The following VTI1A variants were observed in gnomAD, a reference collection of about 807,000 sequenced individuals.
The protein encoded by VTI1A is vesicle transport through interaction with t-SNAREs 1A, also known as vesicle transport through interaction with t-SNAREs homolog 1A.
A neutral mutation model predicts 34.9 loss-of-function variants in VTI1A; 22 were observed. The observed-to-expected ratio is 0.63, with a 90% CI of 0.45 to 0.90. The LOEUF (loss-of-function observed/expected upper bound fraction) is 0.90, where lower values mean the gene tolerates loss of function less well. VTI1A is among the 40% of genes least tolerant of loss of function. The probability of loss-of-function intolerance (pLI) is 0.00; values close to 1 mark genes in which losing one functional copy is unlikely to be tolerated. For synonymous variants in VTI1A, 87 were observed against 97.3 expected (o/e 0.89, Z 0.62); for missense variants, 268 against 275.6 (o/e 0.97, Z 0.20).
chr10:112,617,290 T>C lies in VTI1A; in HGVS notation c.428-50928T>C, dbSNP rs777364920. Among the ~76,000 whole-genome samples the C allele has an allele frequency of 1.1e-4, 16 of 152,184 alleles. 1 individual carries two copies. The highest frequency in any genetic ancestry group is 2.0e-4 in the Admixed American group (3 of 15,288). ...CTAGAATTGTCTTCTCAACATTGTG[T>C]CTTTCAATAACAAGAGCAAGACAAC... On this transcript the variant is annotated intron_variant, in intron 5 of 7. Coordinates refer to ENST00000393077, the MANE Select transcript of VTI1A (RefSeq NM_145206.4).
intron 5 of VTI1A, among the ~76,000 whole-genome samples, chr10:112,639,021 A>G (rs1232999635): frequency 1.3e-5 from 2 of 152,168 alleles, no homozygotes; most frequent in African/African-American, 2.4e-5. Context: ...AAAACACTCA[A>G]TTTATCAAAG....
At chr10:112,760,099 G>A (rs1321241635) in intron 7 of VTI1A, among the ~76,000 whole-genome samples, 3 of 152,146 alleles carry the variant, frequency 2.0e-5, no homozygotes, top group Admixed American at 1.3e-4. Context: ...GAGTCCACAC[G>A]AAGAACTAGA....
chr10:112,838,754 G>A, the VTI1A span, among the ~76,000 whole-genome samples: 1 of 152,238 alleles, frequency 6.6e-6, no homozygotes, highest in African/African-American at 2.4e-5. Context: ...CCAGGCATCT[G>A]GCGCCACGGA....
intron 3 of VTI1A, among the ~76,000 whole-genome samples, chr10:112,475,364 A>G (rs74914974): frequency 6.6e-6 from 1 of 152,246 alleles, no homozygotes; most frequent in Non-Finnish European, 1.5e-5. Flanking sequence ...AGTCATGTGC[A>G]TGTAAATTCT....
At chr10:112,556,469 G>A (rs896224180) in intron 5 of VTI1A, among the ~76,000 whole-genome samples, 8 of 151,926 alleles carry the variant, frequency 5.3e-5, no homozygotes, top group African/African-American at 1.9e-4. Context: ...TTTAAAAGAG[G>A]CAGAGTGATT....
intron 5 of VTI1A, among the ~76,000 whole-genome samples, chr10:112,617,796 A>G (rs1589979085): frequency 6.6e-6 from 1 of 152,214 alleles, no homozygotes; most frequent in Non-Finnish European, 1.5e-5. Flanking sequence ...CAAAAAAAGG[A>G]AACAAATTAA....
intron 1 of VTI1A, among the ~76,000 whole-genome samples, chr10:112,448,137 G>A (rs1428182912): frequency 6.6e-6 from 1 of 152,084 alleles, no homozygotes; most frequent in Non-Finnish European, 1.5e-5. Flanking sequence ...TTCTCTCATG[G>A]GGTTGTTAGG....
intron 5 of VTI1A, among the ~76,000 whole-genome samples, chr10:112,600,781 G>T (rs1227390962): frequency 6.6e-6 from 1 of 152,194 alleles, no homozygotes; most frequent in Non-Finnish European, 1.5e-5. Flanking sequence ...ACGAATGAAT[G>T]AATTTTTACA....
At chr10:112,738,186 G>A (rs189072197) in intron 7 of VTI1A, among the ~76,000 whole-genome samples, 172 of 152,308 alleles carry the variant, frequency 1.1e-3, no homozygotes, top group African/African-American at 3.8e-3. Flanking sequence ...TGGGCCATAT[G>A]TAAAGTGGCA....
chr10:112,693,120 CA>C (rs1156660171), intron 7 of VTI1A, among the ~76,000 whole-genome samples: 5 of 152,220 alleles, frequency 3.3e-5, no homozygotes, highest in African/African-American at 1.2e-4. Flanking sequence ...AAGTACCAAA[CA>C]TGTGTAAGTG....
intron 5 of VTI1A, among the ~76,000 whole-genome samples, chr10:112,548,335 G>T (rs1851214543): frequency 6.6e-6 from 1 of 151,020 alleles, no homozygotes; most frequent in Non-Finnish European, 1.5e-5. Context: ...TTTTTTAATG[G>T]GTCTCAAAAT....
chr10:112,819,562 T>C (rs541600519), downstream of VTI1A, among the ~76,000 whole-genome samples: 247 of 152,272 alleles, frequency 1.6e-3, 1 homozygote, highest in Non-Finnish European at 1.9e-3. Context: ...CTTGGGCATC[T>C]CCGTGCCGTC....
chr10:112,794,925 G>A (rs111845900), intron 7 of VTI1A, among the ~76,000 whole-genome samples: 4 of 152,070 alleles, frequency 2.6e-5, no homozygotes, highest in African/African-American at 4.8e-5. Context: ...TCAACTCACC[G>A]ATATTATATG....
At chr10:112,618,038 C>A (rs1251557522) in intron 5 of VTI1A, among the ~76,000 whole-genome samples, 1 of 152,050 alleles carries the variant, frequency 6.6e-6, no homozygotes, top group African/African-American at 2.4e-5. Flanking sequence ...CCTGTAATCC[C>A]AGCTACTTGG....
chr10:112,812,630 G>A (rs1223898300), intron 7 of VTI1A, among the ~76,000 whole-genome samples: 5 of 152,134 alleles, frequency 3.3e-5, no homozygotes, highest in African/African-American at 1.2e-4. Flanking sequence ...CAACTCCTTT[G>A]AGGTCCAAGG....
chr10:112,622,667 C>T (rs887396727), intron 5 of VTI1A, among the ~76,000 whole-genome samples: 1 of 152,144 alleles, frequency 6.6e-6, no homozygotes, highest in African/African-American at 2.4e-5. Context: ...TTCATATAAT[C>T]TCCTTTATTC....
chr10:112,618,516 TATATATATAG>T (rs1303151632), intron 5 of VTI1A, among the ~76,000 whole-genome samples: 5 of 46,418 alleles, frequency 1.1e-4, no homozygotes, highest in African/African-American at 4.3e-4. Flanking sequence ...TATATATATA[TATATATATAG>T]AGAGAGAGAG....
At position 112,818,395 on chromosome 10, in the gene VTI1A, G is replaced by C. The variant is rs1297694682; in HGVS notation, c.*3012G>C. On this transcript the variant is annotated 3_prime_UTR_variant, in exon 8 of 8. Coordinates refer to ENST00000393077, the MANE Select transcript of VTI1A (RefSeq NM_145206.4). ...AGAGATTATCAACCCATAGAAGAAGGGAGGGGAAAAAAAAGAAAGAAAGGA... is the reference window on the plus strand; with the variant it reads ...AGAGATTATCAACCCATAGAAGAAGCGAGGGGAAAAAAAAGAAAGAAAGGA... 1 of 232,118 alleles carries C rather than the reference G, an allele frequency of 4.3e-6. No homozygotes were observed. The highest frequency in any genetic ancestry group is 6.1e-5 in the East Asian group (1 of 16,498). The allele number at this position is 232,118 out of a possible 1,614,324, so 14.4% of individuals were successfully genotyped here.
At chr10:112,462,614 C>T (rs1847761917) in intron 2 of VTI1A, among the ~76,000 whole-genome samples, 2 of 152,174 alleles carry the variant, frequency 1.3e-5, no homozygotes, top group African/African-American at 4.8e-5. Flanking sequence ...TATGTTGAGA[C>T]ATAATCATTT....
Sources: allele counts gnomAD v4.1 joint callset (sites outside exome capture counted in the v4.1 genomes callset), GRCh38; gene constraint gnomAD v4.1.1; transcripts MANE v1.5; gene names NCBI Gene and HGNC (gene_info 2026-07-23, HGNC 2026-07-21).